ERO1A: variants seen among roughly 807,000 people sequenced by gnomAD.
ERO1A encodes the protein endoplasmic reticulum oxidoreductase 1 alpha.
Under a neutral mutation model 76.9 loss-of-function variants are expected in ERO1A, and 49 were observed. The observed-to-expected ratio is 0.64, with a 90% CI of 0.51 to 0.81. The LOEUF is 0.81. Ranked by LOEUF, ERO1A falls within the 30% of genes least tolerant of loss-of-function variation. ERO1A has a pLI of 0.00. For missense variants in ERO1A, 448 were observed against 542.1 expected (o/e 0.83, Z 1.72); for synonymous variants, 174 against 181.2 (o/e 0.96, Z 0.32).
At chr14:52,648,849 A>T (rs2039759507) in intron 13 of ERO1A, among the ~76,000 whole-genome samples, 1 of 152,198 alleles carries the variant, frequency 6.6e-6, no homozygotes, top group African/African-American at 2.4e-5. Context: ...TACAATAGCC[A>T]AATAAACATT....
intron 9 of ERO1A, among the ~76,000 whole-genome samples, chr14:52,660,179 T>C (rs1345838335): frequency 3.9e-5 from 6 of 152,192 alleles, no homozygotes; most frequent in African/African-American, 1.4e-4. Context: ...TGTTCTCAAG[T>C]TGACCTGACT....
intron 9 of ERO1A, among the ~76,000 whole-genome samples, chr14:52,660,303 C>T (rs1333316032): frequency 3.3e-5 from 5 of 151,910 alleles, no homozygotes; most frequent in African/African-American, 7.2e-5. Context: ...CACAGGTTAA[C>T]GATCTATTTT....
At chr14:52,664,027 T>C (rs1446732470) in intron 7 of ERO1A, 180 bp from the exon 8 acceptor site, 2 of 449,752 alleles carry the variant, frequency 4.4e-6, no homozygotes, top group Non-Finnish European at 8.2e-6. Context: ...GTAGTGATAA[T>C]AGTTCCTGAT....
At chr14:52,694,395 T>C (rs1039608651) in intron 1 of ERO1A, among the ~76,000 whole-genome samples, 4 of 152,168 alleles carry the variant, frequency 2.6e-5, no homozygotes, top group African/African-American at 9.7e-5. Context: ...GAATGTAAAG[T>C]AGTGAAAGAG....
In ERO1A at chr14:52,642,223, G is replaced by C. The variant is rs1216316060; in HGVS notation, c.*1347C>G. 6.6e-6 allele frequency: 1 copy of C among 152,056 alleles called. No individual in the cohort carries two copies. Among genetic ancestry groups the C allele is most frequent in the Non-Finnish European group, 1.5e-5 (1 of 68,002 alleles). The allele number at this position is 152,056 out of a possible 1,614,324, so 9.4% of individuals were successfully genotyped here. A position where few individuals can be genotyped will look rare whatever the true frequency, so the allele number is the denominator to read the frequency against. ...TCAGTTTTAGGGAGACAAAGGAAAT[G>C]AACTTCGGGTATAAAAAACAAAAAT... On this transcript the variant is annotated 3_prime_UTR_variant, in exon 16 of 16. Transcript: ENST00000395686.
chr14:52,683,996 C>T, intron 1 of ERO1A, 89 bp from the exon 2 acceptor site: 1 of 972,752 alleles, frequency 1.0e-6, no homozygotes, highest in South Asian at 2.0e-5. Context: ...AAACAGCCCC[C>T]TACTCAACCA....
chr14:52,671,756 TA>T, intron 5 of ERO1A, 38 bp downstream of exon 5: 1 of 1,583,106 alleles, frequency 6.3e-7, no homozygotes, highest in East Asian at 2.2e-5. Context: ...ATATGTAACA[TA>T]AAGAAACATG....
intron 1 of ERO1A, among the ~76,000 whole-genome samples, chr14:52,685,431 A>G (rs948206736): frequency 6.6e-6 from 1 of 152,228 alleles, no homozygotes; most frequent in Non-Finnish European, 1.5e-5. Context: ...GGATACCAAC[A>G]ACACAAAGTA....
chr14:52,657,168 A>G (rs1240117581), intron 11 of ERO1A, among the ~76,000 whole-genome samples: 1 of 152,204 alleles, frequency 6.6e-6, no homozygotes, highest in Non-Finnish European at 1.5e-5. Context: ...AAATTTCTGC[A>G]TAATCTGCCT....
intron 7 of ERO1A, 32 bp downstream of exon 7, chr14:52,666,343 T>C (rs376397755): frequency 4.0e-6 from 6 of 1,494,502 alleles, no homozygotes; most frequent in African/African-American, 1.4e-5. Context: ...CCACATCTTA[T>C]AGGAATTTTT....
At chr14:52,693,882 G>C (rs1043653656) in intron 1 of ERO1A, among the ~76,000 whole-genome samples, 1 of 152,138 alleles carries the variant, frequency 6.6e-6, no homozygotes, top group African/African-American at 2.4e-5. Context: ...GGGTTTAACA[G>C]AATTTTATGT....
At chr14:52,686,912 G>A (rs2041195479) in intron 1 of ERO1A, among the ~76,000 whole-genome samples, 1 of 152,072 alleles carries the variant, frequency 6.6e-6, no homozygotes, top group Non-Finnish European at 1.5e-5. Context: ...CTGAAATATG[G>A]AGTAGGAGAT....
At position 52,678,064 on chromosome 14, in the gene ERO1A, G is replaced by A. The variant is rs189628101; in HGVS notation, c.357+370C>T. Among the ~76,000 whole-genome samples, 13 of 151,900 alleles carry A rather than the reference G, an allele frequency of 8.6e-5. 1 individual carries two copies. Among genetic ancestry groups the A allele is most frequent in the South Asian group, 6.2e-4 (3 of 4,820 alleles). On this transcript the variant is annotated intron_variant, in intron 4 of 15. Transcript: ENST00000395686. ...GCGGATCACCAGAGGTCGGCAATTC[G>A]AGACCAGCCTGACCAACATGGAGAA...
intron 15 of ERO1A, among the ~76,000 whole-genome samples, chr14:52,645,694 G>A (rs1468426598): frequency 6.6e-6 from 1 of 151,888 alleles, no homozygotes; most frequent in Non-Finnish European, 1.5e-5. Context: ...ATTCTGTAAT[G>A]AAATGATTTC....
chr14:52,685,132 G>A (rs2041138142), intron 1 of ERO1A, among the ~76,000 whole-genome samples: 1 of 152,050 alleles, frequency 6.6e-6, no homozygotes, highest in Non-Finnish European at 1.5e-5. Context: ...TTAAGATTCA[G>A]TATTTCAGAA....
At chr14:52,693,669 A>AT (rs974208461) in intron 1 of ERO1A, among the ~76,000 whole-genome samples, 13 of 151,004 alleles carry the variant, frequency 8.6e-5, no homozygotes, top group African/African-American at 3.2e-4. Flanking sequence ...TCTTTTTTTA[A>AT]TTTTTTTTGT....
chr14:52,681,414 A>C (rs1025907636), intron 3 of ERO1A, among the ~76,000 whole-genome samples: 3 of 151,972 alleles, frequency 2.0e-5, no homozygotes, highest in Non-Finnish European at 4.4e-5. Context: ...ACCAGCATGG[A>C]CCAACATGGA....
At chr14:52,658,906 C>T (rs763450791) in intron 9 of ERO1A, among the ~76,000 whole-genome samples, 2 of 152,068 alleles carry the variant, frequency 1.3e-5, no homozygotes, top group Non-Finnish European at 2.9e-5. Flanking sequence ...TATGCATTTG[C>T]TACAGAGATG....
At chr14:52,643,974 C>CA (rs1466027324) in intron 15 of ERO1A, among the ~76,000 whole-genome samples, 7 of 150,452 alleles carry the variant, frequency 4.7e-5, no homozygotes, top group African/African-American at 7.3e-5. Flanking sequence ...CTGGTCTCTA[C>CA]AAAAAAAAAT....
Sources: allele counts gnomAD v4.1 joint callset (sites outside exome capture counted in the v4.1 genomes callset), GRCh38; gene constraint gnomAD v4.1.1; transcripts MANE v1.5; gene names NCBI Gene and HGNC (gene_info 2026-07-23, HGNC 2026-07-21).